Variants in UCHL3 observed in about 807,000 individuals in gnomAD.
UCHL3 encodes ubiquitin C-terminal hydrolase L3.
A neutral mutation model predicts 35.8 loss-of-function variants in UCHL3; 22 were observed. That is an observed-to-expected ratio of 0.61 (90% CI 0.44 to 0.88). UCHL3 has a LOEUF of 0.88. Ranked by LOEUF, UCHL3 falls within the 40% of genes least tolerant of loss-of-function variation. The probability of loss-of-function intolerance (pLI) is 0.00; values close to 1 mark genes in which losing one functional copy is unlikely to be tolerated. For missense variants in UCHL3, 229 were observed against 276.9 expected (o/e 0.83, Z 1.23); for synonymous variants, 90 against 92.8 (o/e 0.97, Z 0.17).
chr13:75,580,729 A>T (rs2032157216), intron 6 of UCHL3, among the ~76,000 whole-genome samples: 1 of 152,120 alleles, frequency 6.6e-6, no homozygotes, highest in African/African-American at 2.4e-5. Context: ...CCCTAGTTTG[A>T]TCCTCTCAAC....
At chr13:75,567,475 C>G (rs2031721582) in intron 5 of UCHL3, among the ~76,000 whole-genome samples, 163 bp downstream of exon 5, 1 of 152,132 alleles carries the variant, frequency 6.6e-6, no homozygotes, top group Non-Finnish European at 1.5e-5. Flanking sequence ...TTGAAATATC[C>G]ACAAATGCTG....
intron 6 of UCHL3, among the ~76,000 whole-genome samples, chr13:75,586,440 A>G (rs937588321): frequency 2.3e-5 from 3 of 128,378 alleles, no homozygotes; most frequent in Admixed American, 1.6e-4. Context: ...GGAGATGTCA[A>G]CACTCAGAAT....
At chr13:75,562,080 A>G (rs2031535623) in intron 3 of UCHL3, among the ~76,000 whole-genome samples, 1 of 152,054 alleles carries the variant, frequency 6.6e-6, no homozygotes, top group Admixed American at 6.5e-5. Context: ...GATTTGTCAT[A>G]TTTGTGCTCA....
chr13:75,573,571 C>T (rs939436718), intron 6 of UCHL3, among the ~76,000 whole-genome samples: 3 of 152,174 alleles, frequency 2.0e-5, no homozygotes, highest in African/African-American at 7.2e-5. Context: ...CACCTTCTCA[C>T]TGTAGCCTTA....
Position 75,589,321 on chromosome 13 carries a change from TA to T in UCHL3, c.475-5587del, listed in dbSNP as rs377167038. 8.3e-4 allele frequency among the ~76,000 whole-genome samples: 127 copies of T among 152,210 alleles called. 4 individuals carry two copies. The South Asian group carries it at 0.026, about 31-fold the overall frequency. On this transcript the variant is annotated intron_variant, in intron 6 of 8. Coordinates refer to ENST00000377595, the MANE Select transcript of UCHL3 (RefSeq NM_006002.5). ...TCAAGTCCTTAAAAAGCACCTGGCATAAAAAAAGATGCGTATTATATTTAAT... is the reference window on the plus strand; with the variant it reads ...TCAAGTCCTTAAAAAGCACCTGGCATAAAAAAGATGCGTATTATATTTAAT...
In UCHL3 at chr13:75,582,312, C is replaced by T. The variant is rs560310855; in HGVS notation, c.475-12603C>T. Among the ~76,000 whole-genome samples the T allele has an allele frequency of 5.3e-5, 8 of 152,236 alleles. No individual in the cohort carries two copies. In the South Asian group the frequency reaches 1.7e-3, roughly 32 times the overall value. On this transcript the variant is annotated intron_variant, in intron 6 of 8. Coordinates refer to ENST00000377595, the MANE Select transcript of UCHL3 (RefSeq NM_006002.5). ...CCTGAAGAGTAAAACATTTAATCTG[C>T]ATTTTAAAATTCCTCAGGTTTCTGA...
chr13:75,573,093 G>A (rs541190698), intron 6 of UCHL3, among the ~76,000 whole-genome samples: 28 of 152,022 alleles, frequency 1.8e-4, no homozygotes, highest in East Asian at 1.9e-4. Context: ...GGTGAACCCC[G>A]TCTCTACTAA....
chr13:75,593,366 C>G (rs2032562774), intron 6 of UCHL3, among the ~76,000 whole-genome samples: 1 of 151,922 alleles, frequency 6.6e-6, no homozygotes, highest in African/African-American at 2.4e-5. Flanking sequence ...ATTCTCTGAC[C>G]AGGAAAGTAA....
At chr13:75,573,084 G>T (rs976904471) in intron 6 of UCHL3, among the ~76,000 whole-genome samples, 2 of 152,116 alleles carry the variant, frequency 1.3e-5, no homozygotes, top group African/African-American at 2.4e-5. Flanking sequence ...GGCCAACATG[G>T]TGAACCCCGT....
chr13:75,589,141 A>G (rs1316027154), intron 6 of UCHL3, among the ~76,000 whole-genome samples: 1 of 152,086 alleles, frequency 6.6e-6, no homozygotes, highest in Admixed American at 6.6e-5. Context: ...TGGACTCTAG[A>G]ACTTGATTTC....
At position 75,575,483 on chromosome 13, in the gene UCHL3, G is replaced by C. The variant is rs1468912608; in HGVS notation, c.474+5976G>C. Among the ~76,000 whole-genome samples, 11 of 152,196 alleles carry C rather than the reference G, an allele frequency of 7.2e-5. No individual in the cohort carries two copies. In the South Asian group the frequency reaches 1.7e-3, roughly 23 times the overall value. On this transcript the variant is annotated intron_variant, in intron 6 of 8. Coordinates refer to ENST00000377595, the MANE Select transcript of UCHL3 (RefSeq NM_006002.5). ...AACCACCATTTTGTACTTTATTCTA[G>C]ATAGAATAAAATAGTGTTATTAGAG...
In UCHL3 at chr13:75,560,870, A is replaced by G. The variant is rs1593977445; in HGVS notation, c.172A>G (p.Ile58Val). The change falls in exon 3 of 9, where the codon ATT (isoleucine) becomes GTT (valine). Residue 58 changes from isoleucine to valine, a missense_variant. Coordinates refer to ENST00000377595, the MANE Select transcript of UCHL3 (RefSeq NM_006002.5). ...CTGTGCAGTCTTACTTCTCTTTCCT[A>G]TTACAGAAAAGGTAATTGTTATGTA... The part of the protein sequence containing the change: ...PVCAVLLLFP[I>V]TEKYEVFRTE... 2 of 1,515,390 alleles carry G rather than the reference A, an allele frequency of 1.3e-6. No homozygotes were observed. The highest frequency in any genetic ancestry group is 1.8e-6 in the Non-Finnish European group (2 of 1,140,172). 93.9% of individuals were successfully genotyped at this position (1,515,390 alleles called of 1,614,324 possible). A position where few individuals can be genotyped will look rare whatever the true frequency, so the allele number is the denominator to read the frequency against.
At chr13:75,589,543 C>T (rs2032418750) in intron 6 of UCHL3, among the ~76,000 whole-genome samples, 1 of 152,036 alleles carries the variant, frequency 6.6e-6, no homozygotes, top group South Asian at 2.1e-4. Flanking sequence ...CAATGCCTAT[C>T]ACCACACAGT....
chr13:75,575,681 G>A (rs963612482), intron 6 of UCHL3, among the ~76,000 whole-genome samples: 7 of 151,642 alleles, frequency 4.6e-5, no homozygotes, highest in African/African-American at 1.2e-4. Flanking sequence ...AGCTGAAACC[G>A]TCTGGCTGCA....
In UCHL3 at chr13:75,566,784, C is replaced by T. The variant is rs1410742258; in HGVS notation, c.273C>T (p.Ile91=). 1 of 1,611,422 alleles carries T rather than the reference C, an allele frequency of 6.2e-7. No individual in the cohort carries two copies. The highest frequency in any genetic ancestry group is 8.5e-7 in the Non-Finnish European group (1 of 1,179,106). ...TSSVYFMKQT[I]SNACGTIGLI... is the part of the protein sequence containing the mutation. The stretch of plus-strand genomic sequence containing the variant: ...CAGTATATTTCATGAAGCAAACAAT[C>T]AGCAATGCCTGTGGAACAATTGGAC... The change falls in exon 4 of 9, where the codon ATC becomes ATT. Residue 91 remains isoleucine, a synonymous_variant. Coordinates refer to ENST00000377595, the MANE Select transcript of UCHL3 (RefSeq NM_006002.5).
At chr13:75,574,805 G>A (rs190003122) in intron 6 of UCHL3, among the ~76,000 whole-genome samples, 2 of 152,300 alleles carry the variant, frequency 1.3e-5, no homozygotes, top group Admixed American at 1.3e-4. Context: ...ACCAAAGATG[G>A]TACATTTACT....
chr13:75,560,997 C>A, intron 3 of UCHL3, 116 bp downstream of exon 3: 1 of 957,170 alleles, frequency 1.0e-6, no homozygotes, highest in South Asian at 2.2e-5. Context: ...GAGGTGTAAT[C>A]ATGGCTTACT....
intron 2 of UCHL3, among the ~76,000 whole-genome samples, chr13:75,556,289 TTC>T (rs913723362): frequency 6.6e-6 from 1 of 152,240 alleles, no homozygotes; most frequent in African/African-American, 2.4e-5. Context: ...TTAATAATTA[TTC>T]TGTCTCATTA....
chr13:75,550,446 C>A (rs900524451), intron 2 of UCHL3, among the ~76,000 whole-genome samples: 4 of 152,224 alleles, frequency 2.6e-5, no homozygotes, highest in African/African-American at 4.8e-5. Context: ...ATCTTCCAAT[C>A]ATCTCTTGCC....
Sources: allele counts gnomAD v4.1 joint callset (sites outside exome capture counted in the v4.1 genomes callset), GRCh38; gene constraint gnomAD v4.1.1; transcripts MANE v1.5; gene names NCBI Gene and HGNC (gene_info 2026-07-23, HGNC 2026-07-21).